The following FARS2 variants were observed in gnomAD, a reference collection of about 807,000 sequenced individuals.
FARS2 encodes the protein phenylalanine--tRNA ligase, mitochondrial.
In FARS2, 40 loss-of-function variants were observed where a neutral mutation model predicts 46.4. The observed-to-expected ratio is 0.86, with a 90% confidence interval of 0.67 to 1.12. The LOEUF (loss-of-function observed/expected upper bound fraction) is 1.12, where lower values mean the gene tolerates loss of function less well. Ranked by LOEUF, FARS2 falls within the 50% of genes most tolerant of loss-of-function variation. FARS2 has a pLI of 0.00. For missense variants in FARS2, 513 were observed against 567.9 expected (o/e 0.90, Z 0.98); for synonymous variants, 234 against 214.9 (o/e 1.09, Z -0.78).
At chr6:5,679,382 A>G (rs78601971) in intron 6 of FARS2, among the ~76,000 whole-genome samples, 1 of 151,972 alleles carries the variant, frequency 6.6e-6, no homozygotes, top group Non-Finnish European at 1.5e-5. Context: ...CTAAAATCCA[A>G]ATAAAAACAT....
At chr6:5,502,298 A>G (rs1430455157) in intron 4 of FARS2, among the ~76,000 whole-genome samples, 2 of 152,236 alleles carry the variant, frequency 1.3e-5, no homozygotes, top group Non-Finnish European at 2.9e-5. Context: ...GTTAGAACCT[A>G]TAGATGCAGA....
At chr6:5,584,724 T>C (rs1393834211) in intron 5 of FARS2, among the ~76,000 whole-genome samples, 5 of 152,198 alleles carry the variant, frequency 3.3e-5, no homozygotes, top group Non-Finnish European at 7.3e-5. Flanking sequence ...AAATAGCGTT[T>C]AATGAAGAGG....
At chr6:5,297,156 CAT>C (rs1252321647) in intron 1 of FARS2, among the ~76,000 whole-genome samples, 1 of 152,134 alleles carries the variant, frequency 6.6e-6, no homozygotes, top group Non-Finnish European at 1.5e-5. Context: ...ACATAGCTAA[CAT>C]GTGCAGACCT....
At chr6:5,331,766 A>G (rs1466476600) in intron 1 of FARS2, among the ~76,000 whole-genome samples, 2 of 152,204 alleles carry the variant, frequency 1.3e-5, no homozygotes, top group African/African-American at 2.4e-5. Flanking sequence ...TTCAGAGAGC[A>G]TCAGCTGCTG....
intron 5 of FARS2, among the ~76,000 whole-genome samples, chr6:5,556,226 T>G (rs1417029138): frequency 6.6e-6 from 1 of 152,174 alleles, no homozygotes; most frequent in African/African-American, 2.4e-5. Flanking sequence ...TGCATAGAAC[T>G]GGCTGTGCCT....
rs540819363 is a variant in FARS2 at position 5,280,431 on chromosome 6, G to T, written c.-22+18771G>T. Among the ~76,000 whole-genome samples the T allele has an allele frequency of 7.9e-3, 1,203 of 152,272 alleles. 4 individuals carry two copies. Among genetic ancestry groups the T allele is most frequent in the Middle Eastern group, 0.041 (12 of 294 alleles). ...GTGATTTAGAGGGAGAAGGAGAACT[G>T]CCTTGGATAATATATGGACTGTTGT... On this transcript the variant is annotated intron_variant, in intron 1 of 6. Transcript: ENST00000274680.
At chr6:5,573,468 T>C (rs1772776231) in intron 5 of FARS2, among the ~76,000 whole-genome samples, 1 of 152,114 alleles carries the variant, frequency 6.6e-6, no homozygotes, top group Non-Finnish European at 1.5e-5. Flanking sequence ...AGCTGAATGG[T>C]GTAGGTATTA....
intron 6 of FARS2, among the ~76,000 whole-genome samples, chr6:5,724,277 C>G (rs1263844786): frequency 1.3e-5 from 2 of 152,224 alleles, no homozygotes; most frequent in Non-Finnish European, 2.9e-5. Context: ...CTGGGTGATT[C>G]TGGGTTCCAG....
Position 5,587,754 on chromosome 6 carries a change from A to G in FARS2, c.1066-25415A>G, listed in dbSNP as rs114684140. Among the ~76,000 whole-genome samples, 333 of 152,214 alleles carry G rather than the reference A, an allele frequency of 2.2e-3. 1 individual carries two copies. Among genetic ancestry groups the G allele is most frequent in the African/African-American group, 7.5e-3 (313 of 41,512 alleles). ...TTCTTTGGGTCAAATATCCCATACT[A>G]CCTTAAGTTCATGAGCTCCGGGGGT... On this transcript the variant is annotated intron_variant, in intron 5 of 6. Transcript: ENST00000274680.
intron 6 of FARS2, among the ~76,000 whole-genome samples, chr6:5,652,894 C>T (rs1451897477): frequency 6.6e-6 from 1 of 152,222 alleles, no homozygotes; most frequent in Non-Finnish European, 1.5e-5. Flanking sequence ...GTGATCGTGT[C>T]CAGGATCCTA....
intron 4 of FARS2, chr6:5,457,989 A>T (rs2791457): frequency 0.07 from 10,596 of 152,258 alleles, 468 homozygotes; most frequent in African/African-American, 0.12. Flanking sequence ...GGAGGCCATG[A>T]TTGAGGGCGG....
intron 6 of FARS2, among the ~76,000 whole-genome samples, chr6:5,705,602 T>G (rs1758697810): frequency 6.6e-6 from 1 of 152,326 alleles, no homozygotes; most frequent in Middle Eastern, 3.4e-3. Flanking sequence ...TGCTTCCGCA[T>G]TCTCCCCACT....
chr6:5,377,053 T>TA (rs1449646679), intron 2 of FARS2, among the ~76,000 whole-genome samples: 2 of 152,248 alleles, frequency 1.3e-5, no homozygotes, highest in African/African-American at 4.8e-5. Flanking sequence ...ACCACTGTTC[T>TA]ATAGCTTCCA....
intron 6 of FARS2, among the ~76,000 whole-genome samples, chr6:5,649,784 C>T (rs896277059): frequency 3.3e-5 from 5 of 152,162 alleles, no homozygotes; most frequent in South Asian, 2.1e-4. Context: ...TACTCTTATC[C>T]GCTAGGCTGT....
At position 5,313,843 on chromosome 6, in the gene FARS2, TTAAAA is replaced by T. The variant is rs138853513; in HGVS notation, c.-22+52213_-22+52217del. Among the ~76,000 whole-genome samples, 1,502 of 151,282 alleles carry T rather than the reference TTAAAA, an allele frequency of 9.9e-3. 20 individuals are homozygous for T. Among genetic ancestry groups the T allele is most frequent in the African/African-American group, 0.03 (1,228 of 40,960 alleles). ...CCTGGGAATTTAGAGAAAATTAAAT[TTAAAA>T]TAAAATAAAATAAAATAAAATAAAA... On this transcript the variant is annotated intron_variant, in intron 1 of 6. Coordinates refer to ENST00000274680, the MANE Select transcript of FARS2 (RefSeq NM_006567.5).
At chr6:5,529,757 C>G (rs1265920386) in intron 4 of FARS2, among the ~76,000 whole-genome samples, 2 of 152,178 alleles carry the variant, frequency 1.3e-5, no homozygotes, top group Non-Finnish European at 2.9e-5. Flanking sequence ...TCTGACTTGG[C>G]TCTGTTACTT....
intron 6 of FARS2, among the ~76,000 whole-genome samples, chr6:5,622,280 C>T (rs986049572): frequency 2.6e-5 from 4 of 152,238 alleles, no homozygotes; most frequent in South Asian, 2.1e-4. Flanking sequence ...GACCTGCCAC[C>T]GGTCAGCTCC....
chr6:5,747,190 C>A (rs558233814), intron 6 of FARS2, among the ~76,000 whole-genome samples: 2 of 152,288 alleles, frequency 1.3e-5, no homozygotes, highest in African/African-American at 4.8e-5. Context: ...GATAAGGTCA[C>A]AAAGATCAGG....
chr6:5,419,010 C>A (rs1762397091), intron 3 of FARS2, among the ~76,000 whole-genome samples: 1 of 152,000 alleles, frequency 6.6e-6, no homozygotes, highest in African/African-American at 2.4e-5. Flanking sequence ...TTCCTTCCTG[C>A]AATTTTCTAT....
Sources: gnomAD v4.1 joint callset for allele counts (sites outside exome capture counted in the v4.1 genomes callset) on GRCh38, gnomAD v4.1.1 for gene constraint, MANE v1.5 for transcripts, NCBI Gene and HGNC (gene_info 2026-07-23, HGNC 2026-07-21) for gene names.